The following HMCN1 variants were observed in gnomAD, a reference collection of about 807,000 sequenced individuals.
The protein encoded by HMCN1 is hemicentin-1.
HMCN1 carries 321 observed loss-of-function variants against 625.9 expected under a neutral mutation model. The observed-to-expected ratio is 0.51, with a 90% CI of 0.47 to 0.56. The LOEUF (loss-of-function observed/expected upper bound fraction) is 0.56, where lower values mean the gene tolerates loss of function less well. HMCN1 is among the 20% of genes least tolerant of loss of function. HMCN1 has a pLI of 0.00. For synonymous variants in HMCN1, 2,425 were observed against 2,417.6 expected (o/e 1.00, Z -0.09); for missense variants, 6,588 against 6,887.3 (o/e 0.96, Z 1.54).
intron 20 of HMCN1, 65 bp from the exon 21 acceptor site, chr1:185,989,423 C>T: frequency 6.4e-7 from 1 of 1,574,032 alleles, no homozygotes; most frequent in Non-Finnish European, 8.7e-7. Flanking sequence ...GACATTGTCA[C>T]TCTTTTATAA....
intron 1 of HMCN1, among the ~76,000 whole-genome samples, chr1:185,778,246 T>C (rs1656763328): frequency 6.6e-6 from 1 of 152,152 alleles, no homozygotes; most frequent in South Asian, 2.1e-4. Context: ...ACATGACATA[T>C]AGTTCACAGA....
At chr1:186,154,172 A>G (rs1192517539) in intron 97 of HMCN1, among the ~76,000 whole-genome samples, 185 bp downstream of exon 97, 1 of 152,154 alleles carries the variant, frequency 6.6e-6, no homozygotes, top group Non-Finnish European at 1.5e-5. Context: ...TAGTACATTT[A>G]CTTTACTAAT....
intron 4 of HMCN1, among the ~76,000 whole-genome samples, chr1:185,897,523 T>C (rs1558049870): frequency 6.6e-6 from 1 of 152,224 alleles, no homozygotes. Context: ...CACTTTAGTA[T>C]CTTTTCTGAT....
chr1:185,734,551 G>C lies in HMCN1; in HGVS notation c.-229G>C, dbSNP rs1557928351. 2 of 558,260 alleles carry C rather than the reference G, an allele frequency of 3.6e-6. No individual in the cohort carries two copies. The highest frequency in any genetic ancestry group is 6.4e-6 in the Non-Finnish European group (2 of 312,704). The allele number at this position is 558,260 out of a possible 1,614,324, so 34.6% of individuals were successfully genotyped here. ...CCGCGGGCAGATAGCAGTCCAGGAGGAAGCCGCATCCAGACAAAAGCTGCC... is the reference window on the plus strand; with the variant it reads ...CCGCGGGCAGATAGCAGTCCAGGAGCAAGCCGCATCCAGACAAAAGCTGCC... On this transcript the variant is annotated 5_prime_UTR_variant, in exon 1 of 107. Coordinates refer to ENST00000271588, the MANE Select transcript of HMCN1 (RefSeq NM_031935.3).
rs1483413977 is a variant in HMCN1 at position 186,088,640 on chromosome 1, T to C, written c.9612T>C (p.Ser3204=). Residue 3204 remains serine, a synonymous_variant, in exon 63 of 107, where the codon TCT becomes TCC. Coordinates refer to ENST00000271588, the MANE Select transcript of HMCN1 (RefSeq NM_031935.3). ...NSDSLEVRIL[S]GGSKLQIARS... is the part of the protein sequence containing the mutation. ...ACTCACTGGAAGTTCGTATTTTGTC[T>C]GGAGGTAGCAAACTCCAGATTGCCC... 1 of 1,612,124 alleles carries C rather than the reference T, an allele frequency of 6.2e-7. No individual in the cohort carries two copies. The highest frequency in any genetic ancestry group is 1.3e-5 in the African/African-American group (1 of 74,950).
intron 4 of HMCN1, among the ~76,000 whole-genome samples, chr1:185,893,967 A>C (rs967474568): frequency 6.6e-6 from 1 of 151,938 alleles, no homozygotes; most frequent in East Asian, 1.9e-4. Context: ...TGTCATCAAA[A>C]AACATAGATT....
intron 87 of HMCN1, 70 bp downstream of exon 87, chr1:186,137,007 G>A (rs766730809): frequency 2.4e-5 from 38 of 1,557,820 alleles, no homozygotes; most frequent in Non-Finnish European, 3.1e-5. Flanking sequence ...AAATTATTAA[G>A]CACTTTAGTC....
At chr1:185,889,366 G>C (rs890075962) in intron 4 of HMCN1, among the ~76,000 whole-genome samples, 1 of 147,120 alleles carries the variant, frequency 6.8e-6, no homozygotes, top group Admixed American at 6.6e-5. Context: ...AGTGGTGAGA[G>C]AGGGCATCCC....
intron 89 of HMCN1, among the ~76,000 whole-genome samples, chr1:186,140,343 T>A (rs1649875948): frequency 6.6e-6 from 1 of 152,224 alleles, no homozygotes; most frequent in Non-Finnish European, 1.5e-5. Flanking sequence ...ATGAACTTGA[T>A]ATTTTTTAAT....
intron 1 of HMCN1, among the ~76,000 whole-genome samples, chr1:185,817,188 G>A (rs1181644681): frequency 6.6e-6 from 1 of 152,150 alleles, no homozygotes; most frequent in Non-Finnish European, 1.5e-5. Flanking sequence ...TGTTGTGTGT[G>A]CAAGAGACAA....
At chr1:185,920,434 GT>G (rs1344090728) in intron 6 of HMCN1, among the ~76,000 whole-genome samples, 1 of 152,046 alleles carries the variant, frequency 6.6e-6, no homozygotes, top group Non-Finnish European at 1.5e-5. Context: ...AAGATATTTT[GT>G]TATTTATTAC....
chr1:185,954,085 T>G (rs1310600163), intron 11 of HMCN1, among the ~76,000 whole-genome samples: 3 of 151,736 alleles, frequency 2.0e-5, no homozygotes, highest in Non-Finnish European at 4.4e-5. Flanking sequence ...TGTGGTGGAA[T>G]GTCATCAGTT....
At chr1:186,136,396 G>A (rs910884899) in intron 86 of HMCN1, among the ~76,000 whole-genome samples, 7 of 152,184 alleles carry the variant, frequency 4.6e-5, no homozygotes, top group African/African-American at 1.7e-4. Context: ...GTAGTAAGGA[G>A]CAGACACAGA....
intron 56 of HMCN1, 62 bp downstream of exon 56, chr1:186,081,456 GTTT>G (rs1659166429): frequency 2.5e-6 from 3 of 1,207,508 alleles, no homozygotes; most frequent in Non-Finnish European, 3.6e-6. Flanking sequence ...TGTAATAATT[GTTT>G]TTGACTTTTA....
Position 185,745,046 on chromosome 1 carries a change from T to TA in HMCN1, c.268+10008dup, listed in dbSNP as rs138596042. On this transcript the variant is annotated intron_variant, in intron 1 of 106. Coordinates refer to ENST00000271588, the MANE Select transcript of HMCN1 (RefSeq NM_031935.3). Reference sequence around the variant, plus strand: ...TGGACTGGACATGGTCCTAAGAATCTAAAAAAAAAGAAATATAATTGCCTT... The same window carrying TA: ...TGGACTGGACATGGTCCTAAGAATCTAAAAAAAAAAGAAATATAATTGCCTT... 8.6e-3 allele frequency among the ~76,000 whole-genome samples: 1,290 copies of TA among 150,796 alleles called. 20 individuals are homozygous for TA. Among genetic ancestry groups the TA allele is most frequent in the African/African-American group, 0.03 (1,230 of 41,130 alleles).
In HMCN1 at chr1:186,084,457, A is replaced by G. The variant is rs931510757; in HGVS notation, c.8884+1496A>G. Among the ~76,000 whole-genome samples, 7 of 152,230 alleles carry G rather than the reference A, an allele frequency of 4.6e-5. No individual in the cohort carries two copies. The South Asian group carries it at 6.2e-4, about 14-fold the overall frequency. The stretch of plus-strand genomic sequence containing the variant: ...ATGATGTCTTGAGTTCCTGACTGCA[A>G]TCAGGAACTCATTACTTAAATGTTG... On this transcript the variant is annotated intron_variant, in intron 57 of 106. Coordinates refer to ENST00000271588, the MANE Select transcript of HMCN1 (RefSeq NM_031935.3).
intron 4 of HMCN1, among the ~76,000 whole-genome samples, chr1:185,873,783 A>G (rs976358477): frequency 1.3e-5 from 2 of 152,034 alleles, no homozygotes; most frequent in Non-Finnish European, 2.9e-5. Context: ...TGAGAGGAAA[A>G]CACAATAGTA....
chr1:186,152,869 A>G lies in HMCN1; in HGVS notation c.15016A>G (p.Lys5006Glu). 3 of 1,613,784 alleles carry G rather than the reference A, an allele frequency of 1.9e-6. No individual in the cohort carries two copies. The highest frequency in any genetic ancestry group is 2.5e-6 in the Non-Finnish European group (3 of 1,179,738). ...TCAGTCACCTGCTGAAGTCACTGTA[A>G]AGGTAAAATGCCAGGATAACTTGTC... ...QLQSPAEVTV[K>E]DYTEDYIQTG... Residue 5006 changes from lysine (K) to glutamate (E), a missense_variant and splice_region_variant, in exon 96 of 107, where the codon AAG (lysine) becomes GAG (glutamate). Around this residue, in one of 3 missense-constraint regions of HMCN1, gnomAD observed 1,954 missense variants for 2,013.1 expected, o/e 0.97. Coordinates refer to ENST00000271588, the MANE Select transcript of HMCN1 (RefSeq NM_031935.3).
chr1:185,981,326 G>GCACA (rs58305455), intron 17 of HMCN1, among the ~76,000 whole-genome samples: 28 of 147,842 alleles, frequency 1.9e-4, no homozygotes, highest in East Asian at 5.9e-4. Flanking sequence ...ATACACACAT[G>GCACA]CACACACACA....
Sources: allele counts gnomAD v4.1 joint callset (sites outside exome capture counted in the v4.1 genomes callset), GRCh38; gene constraint gnomAD v4.1.1; regional missense constraint gnomAD v4.1.1; transcripts MANE v1.5; gene names NCBI Gene and HGNC (gene_info 2026-07-23, HGNC 2026-07-21).